The following COL5A3 variants were observed in gnomAD, a reference collection of about 807,000 sequenced individuals.
COL5A3 encodes collagen type V alpha 3 chain, also known as collagen alpha-3(V) chain.
In COL5A3, 172 loss-of-function variants were observed where a neutral mutation model predicts 250.0. The observed-to-expected ratio is 0.69, with a 90% CI of 0.61 to 0.78. The LOEUF is 0.78. Among genes scored for constraint, COL5A3 ranks in the 30% least tolerant of loss-of-function variants. The probability of loss-of-function intolerance (pLI) is 0.00; values close to 1 mark genes in which losing one functional copy is unlikely to be tolerated. For missense variants in COL5A3, 2,340 were observed against 2,334.4 expected (o/e 1.00, Z -0.05); for synonymous variants, 937 against 900.4 (o/e 1.04, Z -0.73).
intron 64 of COL5A3, among the ~76,000 whole-genome samples, chr19:9,965,395 A>G (rs187199964): frequency 6.7e-6 from 1 of 149,564 alleles, no homozygotes; most frequent in East Asian, 2.0e-4. Context: ...TGACCTTGTG[A>G]TCCACCCGCC....
intron 35 of COL5A3, 41 bp downstream of exon 35, chr19:9,980,607 C>A (rs2086994602): frequency 5.1e-6 from 8 of 1,565,276 alleles, no homozygotes; most frequent in Non-Finnish European, 6.0e-6. Flanking sequence ...CTCTCTCACA[C>A]ACACACACAT....
rs1486017746 is a variant in COL5A3, at chr19:9,980,697, G to A, written c.2560-5C>T. On this transcript the variant is annotated splice_polypyrimidine_tract_variant and splice_region_variant and intron_variant, in intron 34 of 66. Coordinates refer to ENST00000264828, the MANE Select transcript of COL5A3 (RefSeq NM_015719.4). ...TCCATCCTGGCCCACATCGCCCTAG[G>A]ACAGAGTGAATGAGACTCAGGCCCC... 6.2e-7 allele frequency: 1 copy of A among 1,613,936 alleles called. No individual in the cohort carries two copies. Among genetic ancestry groups the A allele is most frequent in the East Asian group, 2.2e-5 (1 of 44,872 alleles).
In COL5A3 at chr19:9,968,171, A is replaced by G. The variant is rs1459188940; in HGVS notation, c.4315-92T>C. On this transcript the variant is annotated intron_variant, in intron 59 of 66. Coordinates refer to ENST00000264828, the MANE Select transcript of COL5A3 (RefSeq NM_015719.4). The surrounding 1 kb of genome is among the most constrained non-coding windows in gnomAD (Gnocchi z 4.1). ...AAGCCTTCAATCCTACCAAAGGAAG[A>G]CCCCGAACCCTAGACAAGCCTCCAG... is the stretch of plus-strand genomic sequence containing the variant. 5 of 1,311,472 alleles carry G rather than the reference A, an allele frequency of 3.8e-6. No individual in the cohort carries two copies. The highest frequency in any genetic ancestry group is 2.4e-5 in the Admixed American group (1 of 41,984). The allele number at this position is 1,311,472 out of a possible 1,614,324, so 81.2% of individuals were successfully genotyped here.
rs762612049 is a variant in COL5A3 at position 9,968,704 on chromosome 19, T to G, written c.4177A>C (p.Lys1393Gln). The change falls in exon 58 of 67, where the codon AAG (lysine) becomes CAG (glutamine). Residue 1393 changes from lysine to glutamine, a missense_variant. Lys to Gln is a moderately conservative substitution (Grantham distance 53). Around this residue, in one of 3 missense-constraint regions of COL5A3, gnomAD observed 1,179 missense variants for 1,162.6 expected, o/e 1.01. Transcript: ENST00000264828. This position sits in a 1 kb window ranked among gnomAD's most constrained non-coding sequence, Gnocchi z 4.1. ...PLGPSGLPGL[K>Q]GDTGPKGEKG... is the part of the protein sequence containing the mutation. ...TCCCCCTTGGGGCCAGTGTCTCCCT[T>G]CAGCCCTGGGAGGCCAGAGGGCCCC... is the stretch of plus-strand genomic sequence containing the variant. 6.2e-7 allele frequency: 1 copy of G among 1,606,034 alleles called. No homozygotes were observed. Among genetic ancestry groups the G allele is most frequent in the Non-Finnish European group, 8.5e-7 (1 of 1,177,604 alleles).
chr19:10,007,883 G>A (rs943783232), intron 1 of COL5A3, among the ~76,000 whole-genome samples: 23 of 150,258 alleles, frequency 1.5e-4, no homozygotes, highest in African/African-American at 2.7e-4. Flanking sequence ...TTTCTGTGCC[G>A]GGTCTTTCCA....
chr19:9,996,248 G>T lies in COL5A3; in HGVS notation c.1437C>A (p.Gly479=), dbSNP rs767778855. ...VLQQTQLSMK[G]PPGPVGLTGR... is the part of the protein sequence containing the mutation. The stretch of plus-strand genomic sequence containing the variant: ...CAGTGAGCCCCACTGGACCAGGGGG[G>T]CCTTTCATAGAGAGCTGGAAAGACA... The change falls in exon 14 of 67, where the codon GGC becomes GGA. Residue 479 remains glycine (G), a synonymous_variant. Transcript: ENST00000264828. 5.7e-6 allele frequency: 9 copies of T among 1,573,240 alleles called. No homozygotes were observed. The Admixed American group carries it at 1.5e-4, about 27-fold the overall frequency.
At chr19:9,985,955 G>T (rs1239734911) in intron 30 of COL5A3, 60 bp from the exon 31 acceptor site, 37 of 1,518,562 alleles carry the variant, frequency 2.4e-5, no homozygotes, top group Non-Finnish European at 3.4e-5. Flanking sequence ...GAGGCGGAAA[G>T]GTCAGGCTGG....
At chr19:10,008,443 G>T (rs965688574) in intron 1 of COL5A3, among the ~76,000 whole-genome samples, 1 of 74,942 alleles carries the variant, frequency 1.3e-5, no homozygotes, top group Non-Finnish European at 2.6e-5. Flanking sequence ...GGGGACAAGG[G>T]GTGGGGGGGT....
At chr19:9,993,256 C>T in intron 19 of COL5A3, 124 bp downstream of exon 19, 1 of 1,196,042 alleles carries the variant, frequency 8.4e-7, no homozygotes, top group Non-Finnish European at 1.2e-6. Context: ...CTCACCTCCT[C>T]ACCCCACAAT....
chr19:10,008,185 C>T (rs144627693), intron 1 of COL5A3, among the ~76,000 whole-genome samples: 15 of 152,188 alleles, frequency 9.9e-5, no homozygotes, highest in Non-Finnish European at 1.6e-4. Context: ...GGATTGAGAC[C>T]GACGACCTCA....
chr19:9,987,066 G>C (rs1183735858), intron 27 of COL5A3, among the ~76,000 whole-genome samples: 2 of 152,146 alleles, frequency 1.3e-5, no homozygotes, highest in Non-Finnish European at 2.9e-5. Flanking sequence ...TCCAGGCCCG[G>C]ACCTCATTTT....
intron 37 of COL5A3, 32 bp downstream of exon 37, chr19:9,979,807 G>T: frequency 1.9e-6 from 3 of 1,548,908 alleles, no homozygotes; most frequent in East Asian, 2.2e-5. Flanking sequence ...AAAAAAAAAG[G>T]ATCAGGAATC....
Position 10,005,671 on chromosome 19 carries a change from G to T in COL5A3, c.481C>A (p.Leu161Met). The change falls in exon 4 of 67, where the codon CTG becomes ATG. Residue 161 changes from leucine (L) to methionine (M), a missense_variant. By Grantham distance (15) the Leu-to-Met change is conservative. This residue lies in a region of COL5A3 where 1,152 missense variants were observed against 1,146.3 expected (regional missense o/e 1.00). Transcript: ENST00000264828. ...GGCTGAGCTTCACAGTCAGCTACCA[G>T]GGTCACCATCTCACCATCTATGCTG... ...AVSIDGEMVT[L>M]VADCEAQPPV... 6 of 1,613,790 alleles carry T rather than the reference G, an allele frequency of 3.7e-6. No homozygotes were observed. Among genetic ancestry groups the T allele is most frequent in the Non-Finnish European group, 4.2e-6 (5 of 1,179,778 alleles).
intron 21 of COL5A3, among the ~76,000 whole-genome samples, chr19:9,992,563 G>A (rs1407844229): frequency 6.6e-6 from 1 of 152,160 alleles, no homozygotes; most frequent in Non-Finnish European, 1.5e-5. Context: ...GACCACTTGA[G>A]GCCAGGAGTT....
rs909428321 is a variant in COL5A3 at position 9,993,861 on chromosome 19, C to T, written c.1588-55G>A. ...GATGAGCCTTCCCTGTACCCCTCCA[C>T]CAAATTAGGAACCCAACTTCATCAT... is the stretch of plus-strand genomic sequence containing the variant. On this transcript the variant is annotated intron_variant, in intron 16 of 66. Transcript: ENST00000264828. 15 of 1,489,738 alleles carry T rather than the reference C, an allele frequency of 1.0e-5. No homozygotes were observed. The Admixed American group carries it at 2.2e-4, about 21-fold the overall frequency. The allele number at this position is 1,489,738 out of a possible 1,614,324, so 92.3% of individuals were successfully genotyped here.
rs3745587 is a variant in COL5A3, at chr19:9,972,633, C to A, written c.3774+286G>T. 1.4e-4 allele frequency among the ~76,000 whole-genome samples: 21 copies of A among 151,294 alleles called. No individual in the cohort carries two copies. The East Asian group carries it at 2.9e-3, about 21-fold the overall frequency. On this transcript the variant is annotated intron_variant, in intron 51 of 66. Transcript: ENST00000264828. ...CATGCTGATCACGAGGTCAGGAGAT[C>A]GAGACCATCCTGGCCAACATAGTGA... is the stretch of plus-strand genomic sequence containing the variant.
chr19:9,969,971 A>G, intron 54 of COL5A3, 49 bp from the exon 55 acceptor site: 3 of 1,518,118 alleles, frequency 2.0e-6, no homozygotes, highest in Admixed American at 1.7e-5. Context: ...ACTGAGGGTC[A>G]GAGGGGTGAG....
intron 24 of COL5A3, among the ~76,000 whole-genome samples, chr19:9,990,961 T>G (rs910859147): frequency 1.1e-4 from 16 of 152,264 alleles, no homozygotes; most frequent in African/African-American, 3.9e-4. Context: ...ATGATGGCTC[T>G]CGCCTGTAAT....
rs34667697 is a variant in COL5A3, at chr19:9,986,767, T to TAAA, written c.2146-12_2146-10dup. 82,823 of 1,473,360 alleles carry TAAA rather than the reference T, an allele frequency of 0.056. 666 individuals are homozygous for TAAA. Among genetic ancestry groups the TAAA allele is most frequent in the African/African-American group, 0.13 (9,151 of 71,644 alleles). The allele number at this position is 1,473,360 out of a possible 1,614,324, so 91.3% of individuals were successfully genotyped here. A position where few individuals can be genotyped will look rare whatever the true frequency, so the allele number is the denominator to read the frequency against. ...CGGTTGCCTGAAGTGCCCTGGAAAA[T>TAAA]AAAAAAAAAAAGCTCTCAAGCCTCT... On this transcript the variant is annotated splice_polypyrimidine_tract_variant and intron_variant, in intron 27 of 66. Transcript: ENST00000264828.
Sources: allele counts gnomAD v4.1 joint callset (sites outside exome capture counted in the v4.1 genomes callset), GRCh38; gene constraint gnomAD v4.1.1; regional missense constraint gnomAD v4.1.1; non-coding constraint Gnocchi (gnomAD v3.1); transcripts MANE v1.5; gene names NCBI Gene and HGNC (gene_info 2026-07-23, HGNC 2026-07-21).